The following PTPRT variants were observed in gnomAD, a reference collection of about 807,000 sequenced individuals.
PTPRT encodes receptor-type tyrosine-protein phosphatase T.
A neutral mutation model predicts 176.8 loss-of-function variants in PTPRT; 56 were observed. That is an observed-to-expected ratio of 0.32 (90% CI 0.26 to 0.40). The LOEUF (loss-of-function observed/expected upper bound fraction) is 0.40, where lower values mean the gene tolerates loss of function less well. Among genes scored for constraint, PTPRT ranks in the 10% least tolerant of loss-of-function variants. The pLI is 1.00. For missense variants in PTPRT, 1,540 were observed against 1,908.2 expected (o/e 0.81, Z 3.60); for synonymous variants, 783 against 739.0 (o/e 1.06, Z -0.96).
chr20:42,497,402 T>C (rs549033064), intron 7 of PTPRT, among the ~76,000 whole-genome samples: 2 of 152,142 alleles, frequency 1.3e-5, no homozygotes, highest in African/African-American at 4.8e-5. Flanking sequence ...TGGGGTATTG[T>C]CTGCTGCCTC....
At chr20:43,028,393 C>T (rs772742518) in intron 1 of PTPRT, among the ~76,000 whole-genome samples, 4 of 152,156 alleles carry the variant, frequency 2.6e-5, no homozygotes, top group Non-Finnish European at 5.9e-5. Flanking sequence ...CTCCCACCTC[C>T]CAACTTCCCT....
At chr20:42,690,563 T>C (rs966164745) in intron 6 of PTPRT, among the ~76,000 whole-genome samples, 1 of 152,184 alleles carries the variant, frequency 6.6e-6, no homozygotes, top group African/African-American at 2.4e-5. Context: ...AGTCTCCCCT[T>C]GACCTCCACA....
At chr20:42,060,624 C>T in the PTPRT span, among the ~76,000 whole-genome samples, 1 of 152,208 alleles carries the variant, frequency 6.6e-6, no homozygotes, top group Non-Finnish European at 1.5e-5. Flanking sequence ...TCTCTGCCTG[C>T]TGCCATCCAT....
At chr20:42,662,613 G>A (rs2146006605) in intron 7 of PTPRT, among the ~76,000 whole-genome samples, 1 of 152,232 alleles carries the variant, frequency 6.6e-6, no homozygotes, top group Admixed American at 6.5e-5. Context: ...AATTAACAGA[G>A]GGGGAAACTG....
chr20:42,576,100 T>C (rs999974515), intron 7 of PTPRT, among the ~76,000 whole-genome samples: 1 of 152,156 alleles, frequency 6.6e-6, no homozygotes, highest in Non-Finnish European at 1.5e-5. Flanking sequence ...TCCATTACAC[T>C]ACGATCCAGC....
chr20:42,370,192 G>A (rs1340579911), intron 9 of PTPRT, among the ~76,000 whole-genome samples: 1 of 152,184 alleles, frequency 6.6e-6, no homozygotes, highest in Non-Finnish European at 1.5e-5. Context: ...GAATGTCAAT[G>A]CCTTCATTTC....
chr20:42,290,643 TTTTA>T (rs896764441), intron 12 of PTPRT, among the ~76,000 whole-genome samples: 11 of 151,958 alleles, frequency 7.2e-5, no homozygotes, highest in South Asian at 2.1e-4. Context: ...ATGCAAATAA[TTTTA>T]TTTATTTATT....
chr20:42,201,017 G>T (rs540241629), intron 15 of PTPRT, among the ~76,000 whole-genome samples: 1 of 152,334 alleles, frequency 6.6e-6, no homozygotes, highest in East Asian at 1.9e-4. Flanking sequence ...AAAAGGAAAG[G>T]ATAAACCTCA....
intron 1 of PTPRT, among the ~76,000 whole-genome samples, chr20:42,976,217 T>A (rs932533742): frequency 1.3e-5 from 2 of 152,068 alleles, no homozygotes; most frequent in Non-Finnish European, 2.9e-5. Flanking sequence ...GAAAACTGTA[T>A]CAGATACAGG....
chr20:42,838,594 T>C (rs1220587819), intron 2 of PTPRT, among the ~76,000 whole-genome samples: 1 of 152,204 alleles, frequency 6.6e-6, no homozygotes, highest in Non-Finnish European at 1.5e-5. Context: ...CACCATTATC[T>C]TGGGATATCT....
intron 1 of PTPRT, among the ~76,000 whole-genome samples, chr20:43,069,671 T>C (rs1041035710): frequency 1.3e-5 from 2 of 152,184 alleles, no homozygotes; most frequent in Non-Finnish European, 1.5e-5. Flanking sequence ...AGGTATCTTT[T>C]AGCAAAGGCA....
intron 7 of PTPRT, among the ~76,000 whole-genome samples, chr20:42,577,730 ATG>A (rs2073286815): frequency 6.6e-6 from 1 of 152,010 alleles, no homozygotes; most frequent in Admixed American, 6.6e-5. Flanking sequence ...CAGCACGGAG[ATG>A]TGTGTGTCTC....
chr20:42,835,039 C>A (rs2078157621), intron 2 of PTPRT, among the ~76,000 whole-genome samples: 1 of 152,018 alleles, frequency 6.6e-6, no homozygotes, highest in African/African-American at 2.4e-5. Context: ...AGAAAGTAAA[C>A]CCCACACAAA....
At chr20:42,315,681 T>C (rs766269824) in intron 12 of PTPRT, 42 bp downstream of exon 12, 3 of 1,592,118 alleles carry the variant, frequency 1.9e-6, no homozygotes, top group South Asian at 1.1e-5. Flanking sequence ...AATGAAAAAA[T>C]GCAAACAAGG....
At chr20:42,351,950 C>T in intron 10 of PTPRT, 134 bp downstream of exon 10, 1 of 753,084 alleles carries the variant, frequency 1.3e-6, no homozygotes, top group Admixed American at 2.7e-5. Flanking sequence ...ACAATGGTAA[C>T]TCACTAGGGA....
At chr20:42,242,791 G>C (rs1300514898) in intron 14 of PTPRT, among the ~76,000 whole-genome samples, 1 of 152,216 alleles carries the variant, frequency 6.6e-6, no homozygotes, top group Non-Finnish European at 1.5e-5. Flanking sequence ...AGGTGACTTA[G>C]ACATGTACTT....
At chr20:43,070,521 C>T (rs2146269878) in intron 1 of PTPRT, among the ~76,000 whole-genome samples, 1 of 152,278 alleles carries the variant, frequency 6.6e-6, no homozygotes, top group Non-Finnish European at 1.5e-5. Context: ...AAAACACATG[C>T]ACATGTATGT....
At chr20:42,799,439 C>T (rs2077498481) in intron 2 of PTPRT, among the ~76,000 whole-genome samples, 1 of 152,004 alleles carries the variant, frequency 6.6e-6, no homozygotes, top group African/African-American at 2.4e-5. Context: ...AAAACAGACC[C>T]CGGGACAATG....
chr20:43,068,898 C>T (rs2011147024), intron 1 of PTPRT, among the ~76,000 whole-genome samples: 1 of 152,138 alleles, frequency 6.6e-6, no homozygotes, highest in Non-Finnish European at 1.5e-5. Context: ...AGGAAGAAAA[C>T]CTGATGAAAG....
Sources: gnomAD v4.1 joint callset for allele counts (sites outside exome capture counted in the v4.1 genomes callset) on GRCh38, gnomAD v4.1.1 for gene constraint, MANE v1.5 for transcripts, NCBI Gene and HGNC (gene_info 2026-07-23, HGNC 2026-07-21) for gene names.